The following GSK3B variants were observed in gnomAD, a reference collection of about 807,000 sequenced individuals.
The protein encoded by GSK3B is glycogen synthase kinase 3 beta.
GSK3B carries 15 observed loss-of-function variants against 56.4 expected under a neutral mutation model. The observed-to-expected ratio is 0.27, with a 90% CI of 0.18 to 0.41. GSK3B has a LOEUF of 0.41. Ranked by LOEUF, GSK3B falls within the 10% of genes least tolerant of loss-of-function variation. The probability of loss-of-function intolerance (pLI) is 1.00; values close to 1 mark genes in which losing one functional copy is unlikely to be tolerated. For missense variants in GSK3B, 300 were observed against 513.4 expected, an observed-to-expected ratio of 0.58 and a Z score of 4.02; for synonymous variants, 181 against 188.9, an observed-to-expected ratio of 0.96 and a Z score of 0.34.
At chr3:120,062,002 G>C (rs1187859268) in intron 1 of GSK3B, among the ~76,000 whole-genome samples, 3 of 152,098 alleles carry the variant, frequency 2.0e-5, no homozygotes, top group African/African-American at 4.8e-5. Context: ...AAAGTGTTGG[G>C]ATTACAGGCA....
At chr3:120,028,833 G>T (rs1336476561) in intron 1 of GSK3B, 7 of 432,508 alleles carry the variant, frequency 1.6e-5, no homozygotes, top group Non-Finnish European at 3.1e-5. Context: ...ACTCACTGAG[G>T]CCCTAGCCCC....
At chr3:119,917,314 A>T (rs1213033305) in intron 4 of GSK3B, among the ~76,000 whole-genome samples, 1 of 152,146 alleles carries the variant, frequency 6.6e-6, no homozygotes, top group East Asian at 1.9e-4. Context: ...GTTAATGTGA[A>T]CTATTAGCTG....
At chr3:119,918,456 C>A (rs573851030) in intron 4 of GSK3B, among the ~76,000 whole-genome samples, 8 of 150,196 alleles carry the variant, frequency 5.3e-5, no homozygotes, top group African/African-American at 2.0e-4. Flanking sequence ...GGCCACAGAG[C>A]GGAATTCTCT....
intron 7 of GSK3B, among the ~76,000 whole-genome samples, chr3:119,881,562 A>G (rs968535357): frequency 6.6e-6 from 1 of 152,214 alleles, no homozygotes; most frequent in Non-Finnish European, 1.5e-5. Context: ...CATCCTCTAC[A>G]TATTCAGTAC....
chr3:119,861,327 A>G (rs1327152285), intron 9 of GSK3B, among the ~76,000 whole-genome samples: 3 of 152,106 alleles, frequency 2.0e-5, no homozygotes, highest in Non-Finnish European at 2.9e-5. Flanking sequence ...CCTGGCCAAC[A>G]TGGCGAAACC....
intron 7 of GSK3B, among the ~76,000 whole-genome samples, chr3:119,892,873 C>T (rs1052240042): frequency 2.6e-5 from 4 of 152,026 alleles, no homozygotes; most frequent in African/African-American, 9.7e-5. Flanking sequence ...CTCAAAAGGA[C>T]AAATTTTTCT....
intron 2 of GSK3B, among the ~76,000 whole-genome samples, chr3:119,960,687 C>T (rs1259605570): frequency 6.6e-6 from 1 of 152,206 alleles, no homozygotes; most frequent in Admixed American, 6.5e-5. Flanking sequence ...CATACTTTCT[C>T]ACACTATTTA....
At chr3:119,873,495 T>A (rs2056272737) in intron 8 of GSK3B, among the ~76,000 whole-genome samples, 2 of 152,156 alleles carry the variant, frequency 1.3e-5, no homozygotes, top group South Asian at 2.1e-4. Flanking sequence ...CCTGTTTACC[T>A]GCCCTCCAAG....
rs111906191 is a variant in GSK3B at position 120,090,906 on chromosome 3, G to C, written c.88+2441C>G. Among the ~76,000 whole-genome samples the C allele has an allele frequency of 2.0e-3, 297 of 152,014 alleles. 1 individual carries two copies. The highest frequency in any genetic ancestry group is 6.6e-3 in the African/African-American group (275 of 41,462). On this transcript the variant is annotated intron_variant, in intron 1 of 10. Coordinates refer to ENST00000264235, the MANE Select transcript of GSK3B (RefSeq NM_001146156.2). The stretch of plus-strand genomic sequence containing the variant: ...TTCTTATTTAGGCCCCTTTAATTCA[G>C]ATTTGTCAACTTGATTATTGTCTCT...
chr3:119,875,247 G>A (rs2056297225), intron 8 of GSK3B, among the ~76,000 whole-genome samples: 1 of 151,694 alleles, frequency 6.6e-6, no homozygotes, highest in African/African-American at 2.4e-5. Flanking sequence ...GAGATTATAA[G>A]AACTTGAAGA....
chr3:119,918,245 C>T (rs992937350), intron 4 of GSK3B, among the ~76,000 whole-genome samples: 2 of 152,048 alleles, frequency 1.3e-5, no homozygotes, highest in Admixed American at 1.3e-4. Context: ...CCAAGGCAGG[C>T]GGGTTGCCTG....
intron 1 of GSK3B, among the ~76,000 whole-genome samples, chr3:120,075,485 C>T (rs533087576): frequency 1.3e-5 from 2 of 152,052 alleles, no homozygotes; most frequent in African/African-American, 2.4e-5. Flanking sequence ...ATATAGAAAA[C>T]TCCAAAGACC....
intron 3 of GSK3B, among the ~76,000 whole-genome samples, chr3:119,934,314 A>C (rs9835672): frequency 0.018 from 2,773 of 152,334 alleles, 92 homozygotes; most frequent in African/African-American, 0.063. Context: ...TGATGTGATG[A>C]AAATGACACT....
chr3:120,004,568 G>C (rs187330946), intron 1 of GSK3B, among the ~76,000 whole-genome samples: 41 of 152,294 alleles, frequency 2.7e-4, no homozygotes, highest in Admixed American at 2.5e-3. Flanking sequence ...GAAGCATCCA[G>C]AGGAAGGATC....
At chr3:119,901,487 T>G (rs1028099158) in intron 7 of GSK3B, among the ~76,000 whole-genome samples, 5 of 152,220 alleles carry the variant, frequency 3.3e-5, no homozygotes, top group African/African-American at 1.2e-4. Flanking sequence ...TGGATTTTAT[T>G]CTAAATATTT....
At chr3:119,939,624 TAGA>T (rs1485862886) in intron 3 of GSK3B, among the ~76,000 whole-genome samples, 1 of 152,140 alleles carries the variant, frequency 6.6e-6, no homozygotes, top group Non-Finnish European at 1.5e-5. Flanking sequence ...AGGTATGTAC[TAGA>T]AGAAGAGAAA....
chr3:119,939,893 C>T (rs2057030859), intron 3 of GSK3B, among the ~76,000 whole-genome samples: 1 of 151,808 alleles, frequency 6.6e-6, no homozygotes, highest in African/African-American at 2.4e-5. Context: ...TCAGGGAGAC[C>T]TCAACTGAAG....
At chr3:119,990,260 A>G (rs2057552239) in intron 2 of GSK3B, among the ~76,000 whole-genome samples, 1 of 151,884 alleles carries the variant, frequency 6.6e-6, no homozygotes, top group South Asian at 2.1e-4. Flanking sequence ...CCCTCCTCCC[A>G]GAGAGATTCT....
chr3:119,925,306 TG>T (rs1209531193), intron 3 of GSK3B, among the ~76,000 whole-genome samples: 4 of 152,182 alleles, frequency 2.6e-5, no homozygotes, highest in African/African-American at 9.7e-5. Flanking sequence ...CCAGTCTGGG[TG>T]ACAGAGCCAC....
Sources: gnomAD v4.1 joint callset for allele counts (sites outside exome capture counted in the v4.1 genomes callset) on GRCh38, gnomAD v4.1.1 for gene constraint, MANE v1.5 for transcripts, NCBI Gene and HGNC (gene_info 2026-07-23, HGNC 2026-07-21) for gene names.